GRM7: variants seen among roughly 807,000 people sequenced by gnomAD.
GRM7 encodes the protein glutamate metabotropic receptor 7, also known as metabotropic glutamate receptor 7.
In GRM7, 35 loss-of-function variants were observed where a neutral mutation model predicts 84.5. That is an observed-to-expected ratio of 0.41 (90% CI 0.32 to 0.55). GRM7 has a LOEUF of 0.55. Ranked by LOEUF, GRM7 falls within the 20% of genes least tolerant of loss-of-function variation. GRM7 has a pLI of 0.19. For synonymous variants in GRM7, 487 were observed against 455.1 expected (o/e 1.07, Z -0.89); for missense variants, 1,003 against 1,194.6 (o/e 0.84, Z 2.36).
intron 1 of GRM7, among the ~76,000 whole-genome samples, chr3:6,948,823 G>C (rs1042003109): frequency 2.0e-5 from 3 of 152,022 alleles, no homozygotes; most frequent in Non-Finnish European, 2.9e-5. Context: ...CCTTCTTTGT[G>C]TGTTTTGATC....
chr3:7,141,452 GT>G (rs921703038), intron 1 of GRM7, among the ~76,000 whole-genome samples: 12 of 151,954 alleles, frequency 7.9e-5, no homozygotes, highest in African/African-American at 2.7e-4. Context: ...ATAGATAAAA[GT>G]AGATAATTTC....
At chr3:7,083,557 G>A (rs376993089) in intron 1 of GRM7, among the ~76,000 whole-genome samples, 22 of 152,148 alleles carry the variant, frequency 1.4e-4, no homozygotes, top group African/African-American at 5.1e-4. Flanking sequence ...AACACAGTAG[G>A]TGCTCTTGCT....
intron 8 of GRM7, among the ~76,000 whole-genome samples, chr3:7,609,315 C>T (rs1389920931): frequency 1.3e-5 from 2 of 152,194 alleles, no homozygotes; most frequent in East Asian, 3.9e-4. Context: ...CATTTTAGAT[C>T]ATGAGGAAAG....
chr3:7,192,443 C>T (rs1344899967), intron 2 of GRM7, among the ~76,000 whole-genome samples: 1 of 152,088 alleles, frequency 6.6e-6, no homozygotes, highest in South Asian at 2.1e-4. Context: ...CTGCACTCCC[C>T]CAGAAGTTGG....
At chr3:7,139,027 T>C (rs1449713985) in intron 1 of GRM7, among the ~76,000 whole-genome samples, 1 of 147,964 alleles carries the variant, frequency 6.8e-6, no homozygotes, top group Non-Finnish European at 1.5e-5. Flanking sequence ...TATATTACTA[T>C]ATATAGTATA....
At chr3:7,545,721 G>A (rs1693116412) in intron 7 of GRM7, among the ~76,000 whole-genome samples, 1 of 152,174 alleles carries the variant, frequency 6.6e-6, no homozygotes, top group South Asian at 2.1e-4. Flanking sequence ...TTGAGAGAAA[G>A]AAGAAGGCAA....
intron 5 of GRM7, among the ~76,000 whole-genome samples, chr3:7,424,746 A>G (rs1454283585): frequency 1.3e-5 from 2 of 152,208 alleles, no homozygotes; most frequent in African/African-American, 4.8e-5. Flanking sequence ...CTTTGCTTTC[A>G]GGGAGCTTTT....
At chr3:7,345,820 C>T (rs560541784) in intron 4 of GRM7, among the ~76,000 whole-genome samples, 15 of 132,638 alleles carry the variant, frequency 1.1e-4, no homozygotes, top group African/African-American at 4.1e-4. Flanking sequence ...TGTGTTCATA[C>T]TCAAAGAGCC....
intron 1 of GRM7, among the ~76,000 whole-genome samples, chr3:7,060,136 T>C (rs1485839332): frequency 6.6e-6 from 1 of 151,822 alleles, no homozygotes; most frequent in African/African-American, 2.4e-5. Flanking sequence ...TTTCTTTCTG[T>C]CCATTAGAAC....
At chr3:7,654,813 C>T (rs1163283195) in intron 8 of GRM7, among the ~76,000 whole-genome samples, 2 of 152,218 alleles carry the variant, frequency 1.3e-5, no homozygotes, top group Non-Finnish European at 2.9e-5. Context: ...TTACGAAATA[C>T]TATCCATAAC....
intron 1 of GRM7, among the ~76,000 whole-genome samples, chr3:7,007,379 A>T (rs1440350978): frequency 6.6e-6 from 1 of 152,212 alleles, no homozygotes; most frequent in Non-Finnish European, 1.5e-5. Context: ...GGCCTTCAAG[A>T]TCTTCCCTAT....
intron 1 of GRM7, among the ~76,000 whole-genome samples, chr3:7,014,145 G>C (rs1238570017): frequency 1.3e-5 from 2 of 151,970 alleles, no homozygotes; most frequent in Non-Finnish European, 2.9e-5. Context: ...TACCTCTACT[G>C]ATGATCATTG....
chr3:7,425,277 A>G (rs1471130013), intron 5 of GRM7, among the ~76,000 whole-genome samples: 1 of 152,198 alleles, frequency 6.6e-6, no homozygotes, highest in Non-Finnish European at 1.5e-5. Context: ...TTGAAATTAA[A>G]ATAGGGCAGT....
At chr3:7,442,248 A>C (rs1007792782) in intron 5 of GRM7, among the ~76,000 whole-genome samples, 2 of 151,958 alleles carry the variant, frequency 1.3e-5, no homozygotes, top group Non-Finnish European at 2.9e-5. Flanking sequence ...ATGACATTGC[A>C]TTCTTGATTT....
At chr3:7,598,721 C>T (rs1302519809) in intron 8 of GRM7, among the ~76,000 whole-genome samples, 2 of 152,088 alleles carry the variant, frequency 1.3e-5, no homozygotes, top group African/African-American at 2.4e-5. Flanking sequence ...TAATGAGGTA[C>T]ACTTCAAAGT....
chr3:7,091,955 C>G (rs566569120), intron 1 of GRM7, among the ~76,000 whole-genome samples: 67 of 151,550 alleles, frequency 4.4e-4, no homozygotes, highest in Non-Finnish European at 7.7e-4. Context: ...CCTTAATTTT[C>G]TCATTTGAAA....
chr3:7,357,704 C>T (rs985024832), intron 4 of GRM7, among the ~76,000 whole-genome samples: 1 of 152,140 alleles, frequency 6.6e-6, no homozygotes, highest in Non-Finnish European at 1.5e-5. Context: ...ATCACATTCC[C>T]TGTCCTTTAT....
chr3:7,341,410 G>A (rs556960278), intron 4 of GRM7, among the ~76,000 whole-genome samples: 14 of 151,328 alleles, frequency 9.3e-5, no homozygotes, highest in African/African-American at 3.4e-4. Flanking sequence ...TTTATTCAAT[G>A]TTTGTTGAAT....
chr3:7,409,789 G>A lies in GRM7; in HGVS notation c.1034-5234G>A, dbSNP rs551128690. ...CGAATTTTTTGTATTTTTAGTAGAG[G>A]TAGGGTTTCACCATGTTGGCCAGGA... On this transcript the variant is annotated intron_variant, in intron 4 of 9. Coordinates refer to ENST00000357716, the MANE Select transcript of GRM7 (RefSeq NM_000844.4). Among the ~76,000 whole-genome samples, 551 of 151,864 alleles carry A rather than the reference G, an allele frequency of 3.6e-3. 3 individuals carry two copies. Among genetic ancestry groups the A allele is most frequent in the African/African-American group, 0.011 (444 of 41,420 alleles).
Sources: gnomAD v4.1 joint callset for allele counts (sites outside exome capture counted in the v4.1 genomes callset) on GRCh38, gnomAD v4.1.1 for gene constraint, MANE v1.5 for transcripts, NCBI Gene and HGNC (gene_info 2026-07-23, HGNC 2026-07-21) for gene names.